Variants in BCL2 observed in about 807,000 individuals in gnomAD.
BCL2 encodes apoptosis regulator Bcl-2.
In BCL2, 1 loss-of-function variant was observed where a neutral mutation model predicts 14.2. The observed-to-expected ratio is 0.07, with a 90% CI of 0.02 to 0.33. BCL2 has a LOEUF of 0.33. Among genes scored for constraint, BCL2 ranks in the 10% least tolerant of loss-of-function variants. The pLI, the probability that BCL2 is intolerant of heterozygous loss-of-function variation, is 0.99. For missense variants in BCL2, 247 were observed against 305.9 expected (o/e 0.81, Z 1.44); for synonymous variants, 151 against 137.2 (o/e 1.10, Z -0.70).
At chr18:63,279,836 T>C (rs919511968) in intron 2 of BCL2, among the ~76,000 whole-genome samples, 34 of 152,196 alleles carry the variant, frequency 2.2e-4, no homozygotes, top group African/African-American at 8.2e-4. Flanking sequence ...CTACATGAAG[T>C]TAAATAACAA....
rs891895565 is a variant in BCL2, at chr18:63,126,365, C to T, written c.*2260G>A. Reference sequence around the variant, plus strand: ...TGGGTGGGTCTGTGTTGAAACAGGCCACGTAAAGCAACTCTCTAAAGGTCA... The same window carrying T: ...TGGGTGGGTCTGTGTTGAAACAGGCTACGTAAAGCAACTCTCTAAAGGTCA... On this transcript the variant is annotated 3_prime_UTR_variant, in exon 3 of 3. Coordinates refer to ENST00000333681, the MANE Select transcript of BCL2 (RefSeq NM_000633.3). 5 of 221,240 alleles carry T rather than the reference C, an allele frequency of 2.3e-5. No homozygotes were observed. The highest frequency in any genetic ancestry group is 3.6e-5 in the Non-Finnish European group (4 of 110,228). The allele number at this position is 221,240 out of a possible 1,614,324, so 13.7% of individuals were successfully genotyped here.
intron 2 of BCL2, among the ~76,000 whole-genome samples, chr18:63,307,563 T>C (rs1913182763): frequency 6.6e-6 from 1 of 152,226 alleles, no homozygotes; most frequent in Admixed American, 6.5e-5. Flanking sequence ...GTCATTTTTT[T>C]CCCTGAGCCA....
chr18:63,236,623 A>C (rs1910838513), intron 2 of BCL2, among the ~76,000 whole-genome samples: 1 of 152,206 alleles, frequency 6.6e-6, no homozygotes, highest in Non-Finnish European at 1.5e-5. Flanking sequence ...AAGAAACCAG[A>C]CTGCTCCAGT....
At chr18:63,134,971 C>CA (rs1914172127) in intron 2 of BCL2, among the ~76,000 whole-genome samples, 1 of 152,202 alleles carries the variant, frequency 6.6e-6, no homozygotes, top group Non-Finnish European at 1.5e-5. Context: ...AAGGGAGAAT[C>CA]ACTGTAACAG....
chr18:63,187,169 C>A (rs1186088799), intron 2 of BCL2, among the ~76,000 whole-genome samples: 2 of 152,166 alleles, frequency 1.3e-5, no homozygotes, highest in Non-Finnish European at 2.9e-5. Flanking sequence ...GAAGGTGAGA[C>A]AGGTATGGCC....
intron 2 of BCL2, among the ~76,000 whole-genome samples, chr18:63,197,271 C>T (rs186177237): frequency 1.5e-3 from 230 of 152,308 alleles, no homozygotes; most frequent in African/African-American, 5.1e-3. Flanking sequence ...ACTGACAAAT[C>T]GTTCACTTTC....
At chr18:63,219,948 G>A (rs1910340011) in intron 2 of BCL2, among the ~76,000 whole-genome samples, 1 of 152,146 alleles carries the variant, frequency 6.6e-6, no homozygotes, top group Admixed American at 6.5e-5. Flanking sequence ...AGTAGGCTCA[G>A]AACTCCAGAA....
At chr18:63,143,049 C>A (rs1914407619) in intron 2 of BCL2, among the ~76,000 whole-genome samples, 1 of 152,188 alleles carries the variant, frequency 6.6e-6, no homozygotes, top group South Asian at 2.1e-4. Flanking sequence ...GGTTCTGGAT[C>A]CTGGCTCATT....
chr18:63,179,316 G>A (rs1915425877), intron 2 of BCL2, among the ~76,000 whole-genome samples: 1 of 152,176 alleles, frequency 6.6e-6, no homozygotes, highest in South Asian at 2.1e-4. Context: ...GAGAGAATTT[G>A]AGACAGGCTG....
chr18:63,180,943 G>A (rs1003386107), intron 2 of BCL2, among the ~76,000 whole-genome samples: 4 of 152,200 alleles, frequency 2.6e-5, no homozygotes, highest in Non-Finnish European at 2.9e-5. Context: ...ACGTGTCAGT[G>A]TACAGACGCT....
chr18:63,275,827 T>C (rs1305840604), intron 2 of BCL2, among the ~76,000 whole-genome samples: 2 of 152,208 alleles, frequency 1.3e-5, no homozygotes, highest in Non-Finnish European at 2.9e-5. Flanking sequence ...GGGGGTTACC[T>C]AGGAAAGGAA....
intron 2 of BCL2, among the ~76,000 whole-genome samples, chr18:63,158,533 C>T (rs947849316): frequency 2.6e-5 from 4 of 152,074 alleles, no homozygotes; most frequent in African/African-American, 7.2e-5. Flanking sequence ...GGGCCCCTTC[C>T]TCCAGAGGCC....
intron 2 of BCL2, among the ~76,000 whole-genome samples, chr18:63,222,977 C>T (rs529562440): frequency 1.3e-5 from 2 of 152,100 alleles, no homozygotes; most frequent in African/African-American, 2.4e-5. Flanking sequence ...ATAGAATTAA[C>T]AGACAAAGGA....
chr18:63,284,197 T>A (rs1384995231), intron 2 of BCL2, among the ~76,000 whole-genome samples: 1 of 152,186 alleles, frequency 6.6e-6, no homozygotes, highest in African/African-American at 2.4e-5. Context: ...GTCTGAGATG[T>A]GGCCTGGGTG....
chr18:63,307,201 A>T (rs1913169224), intron 2 of BCL2, among the ~76,000 whole-genome samples: 1 of 152,216 alleles, frequency 6.6e-6, no homozygotes. Flanking sequence ...ACAGGTAGAG[A>T]GGTTTTAAAA....
intron 2 of BCL2, among the ~76,000 whole-genome samples, chr18:63,242,960 C>A (rs1377376759): frequency 2.0e-5 from 3 of 152,114 alleles, no homozygotes; most frequent in African/African-American, 7.2e-5. Flanking sequence ...TAATTTAGGA[C>A]AAATTCCTAC....
At chr18:63,258,398 T>C (rs182752983) in intron 2 of BCL2, among the ~76,000 whole-genome samples, 40 of 152,000 alleles carry the variant, frequency 2.6e-4, no homozygotes, top group African/African-American at 9.2e-4. Flanking sequence ...GCTGGGAGGG[T>C]TCAAAGGTGT....
chr18:63,165,225 G>C (rs1304244024), intron 2 of BCL2, among the ~76,000 whole-genome samples: 1 of 152,316 alleles, frequency 6.6e-6, no homozygotes, highest in East Asian at 1.9e-4. Flanking sequence ...CCACTGCTCA[G>C]GAGGAATTTA....
At chr18:63,211,524 C>T (rs929443137) in intron 2 of BCL2, among the ~76,000 whole-genome samples, 2 of 152,168 alleles carry the variant, frequency 1.3e-5, no homozygotes, top group African/African-American at 4.8e-5. Flanking sequence ...TTTAAGTCTT[C>T]ACCTTTAAAC....
Sources: allele counts gnomAD v4.1 joint callset (sites outside exome capture counted in the v4.1 genomes callset), GRCh38; gene constraint gnomAD v4.1.1; transcripts MANE v1.5; gene names NCBI Gene and HGNC (gene_info 2026-07-23, HGNC 2026-07-21).